Variants in CENPM observed in about 807,000 individuals in gnomAD.
The protein encoded by CENPM is interphase centromere complex protein 39.
CENPM carries 14 observed loss-of-function variants against 19.6 expected under a neutral mutation model. The observed-to-expected ratio is 0.71, with a 90% CI of 0.47 to 1.11. The LOEUF (loss-of-function observed/expected upper bound fraction) is 1.11, where lower values mean the gene tolerates loss of function less well. Among genes scored for constraint, CENPM ranks in the 50% most tolerant of loss-of-function variants. CENPM has a pLI of 0.00. For synonymous variants in CENPM, 114 were observed against 101.5 expected (o/e 1.12, Z -0.74); for missense variants, 239 against 228.4 (o/e 1.05, Z -0.30).
intron 4 of CENPM, chr22:41,944,140 C>G: frequency 1.0e-6 from 1 of 985,270 alleles, no homozygotes; most frequent in African/African-American, 1.7e-5. Context: ...TGACAGAAGC[C>G]TAGAGTAAAC....
chr22:41,935,703 C>G (rs527416089), downstream of CENPM, among the ~76,000 whole-genome samples: 1 of 152,300 alleles, frequency 6.6e-6, no homozygotes, highest in Admixed American at 6.5e-5. Flanking sequence ...CGCTAAGGGC[C>G]TCTGCCCTCG....
At chr22:41,931,037 T>C in the CENPM span, among the ~76,000 whole-genome samples, 1 of 151,594 alleles carries the variant, frequency 6.6e-6, no homozygotes, top group East Asian at 2.0e-4. Flanking sequence ...GGCTTCACCA[T>C]GTTGGCCAGG....
chr22:41,946,032 A>T, intron 2 of CENPM, 27 bp from the exon 3 acceptor site: 1 of 1,580,712 alleles, frequency 6.3e-7, no homozygotes. Context: ...TGCAGGACTC[A>T]AGATATCCGT....
At chr22:41,932,076 C>T in the CENPM span, among the ~76,000 whole-genome samples, 1 of 152,026 alleles carries the variant, frequency 6.6e-6, no homozygotes, top group Admixed American at 6.6e-5. The surrounding 1 kb of genome is among the most constrained non-coding windows in gnomAD (Gnocchi z 4.3). Context: ...TGTAGGTGTA[C>T]ACACAAACAG....
the CENPM span, among the ~76,000 whole-genome samples, chr22:41,933,329 T>C: frequency 1.3e-5 from 2 of 151,168 alleles, no homozygotes; most frequent in Non-Finnish European, 3.0e-5. Flanking sequence ...TGGGGTCCTC[T>C]TCCCGTGTGC....
intron 4 of CENPM, chr22:41,944,125 G>C: frequency 3.0e-6 from 3 of 985,386 alleles, no homozygotes; most frequent in Non-Finnish European, 3.6e-6. Context: ...AAGAGGAAAT[G>C]TATTTGACAG....
In CENPM at chr22:41,938,772, T is replaced by G; in HGVS notation, c.*284A>C. On this transcript the variant is annotated 3_prime_UTR_variant, in exon 6 of 6. Coordinates refer to ENST00000215980, the MANE Select transcript of CENPM (RefSeq NM_024053.5). ...ACTTTTTTTAGCCACAGACCTTTTG[T>G]TCAAAGGAAACCTTAAATGGAGATG... The G allele has an allele frequency of 2.6e-6, 1 of 381,104 alleles. No individual in the cohort carries two copies. The highest frequency in any genetic ancestry group is 4.7e-6 in the Non-Finnish European group (1 of 211,338). 23.6% of individuals were successfully genotyped at this position (381,104 alleles called of 1,614,324 possible).
At chr22:41,932,043 G>T in the CENPM span, among the ~76,000 whole-genome samples, 1 of 152,180 alleles carries the variant, frequency 6.6e-6, no homozygotes, top group Non-Finnish European at 1.5e-5. This position sits in a 1 kb window ranked among gnomAD's most constrained non-coding sequence, Gnocchi z 4.3. Context: ...TTCACTGCCT[G>T]GTTCTGTGCC....
downstream of CENPM, among the ~76,000 whole-genome samples, chr22:41,937,690 C>A (rs1250167549): frequency 6.6e-6 from 1 of 152,188 alleles, no homozygotes; most frequent in Non-Finnish European, 1.5e-5. Context: ...TCGTCTCATT[C>A]AATCCTCCCA....
Position 41,947,013 on chromosome 22 carries a change from C to T in CENPM, c.57+7G>A, listed in dbSNP as rs73432654. 4,945 of 1,612,684 alleles carry T rather than the reference C, an allele frequency of 3.1e-3. 149 individuals are homozygous for T. The African/African-American group carries it at 0.06, about 19-fold the overall frequency. On this transcript the variant is annotated splice_region_variant and intron_variant, in intron 1 of 5. Coordinates refer to ENST00000215980, the MANE Select transcript of CENPM (RefSeq NM_024053.5). ...CCGGCGGGGGAAGCAGGGCCGCCTG[C>T]ACCTACCAAGATGGTGGCCGTGTTC...
Position 41,943,668 on chromosome 22 carries a change from T to C in CENPM, c.344A>G (p.His115Arg). Residue 115 changes from histidine (H) to arginine (R), a missense_variant, in exon 5 of 6, where the codon CAC becomes CGC. Physicochemically the swap from His to Arg is conservative, Grantham distance 29. Transcript: ENST00000215980. Reference sequence around the variant, plus strand: ...GGTGTGGGCCAGCTTCACCACGGTGTGCCGGTGAATGCTGCAGTGGCTCTC... The same window carrying C: ...GGTGTGGGCCAGCTTCACCACGGTGCGCCGGTGAATGCTGCAGTGGCTCTC... The part of the protein sequence containing the change: ...GRESHCSIHR[H>R]TVVKLAHTYQ... 6.2e-7 allele frequency: 1 copy of C among 1,613,740 alleles called. No homozygotes were observed.
At chr22:41,937,546 C>T (rs898676398), downstream of CENPM, among the ~76,000 whole-genome samples, 9 of 152,232 alleles carry the variant, frequency 5.9e-5, no homozygotes, top group African/African-American at 1.9e-4. Flanking sequence ...CCGCCCGCCT[C>T]GGCTTTCCAT....
Position 41,945,955 on chromosome 22 carries a change from A to G in CENPM, c.188T>C (p.Ile63Thr). 1.9e-6 allele frequency: 3 copies of G among 1,613,978 alleles called. No homozygotes were observed. Among genetic ancestry groups the G allele is most frequent in the Non-Finnish European group, 2.5e-6 (3 of 1,179,964 alleles). ...ATTAACCACAAACACGATCAGGTCA[A>G]TTCGGGGCCGATTCACACTGGAGGG... Reference protein sequence around the residue: ...PLPSSVNRPRIDLIVFVVNLH... With the variant: ...PLPSSVNRPRTDLIVFVVNLH... The change falls in exon 3 of 6, where the codon ATT becomes ACT. Residue 63 changes from isoleucine to threonine, a missense_variant. Physicochemically the swap from Ile to Thr is moderately conservative, Grantham distance 89 (BLOSUM62 -1). Coordinates refer to ENST00000215980, the MANE Select transcript of CENPM (RefSeq NM_024053.5).
At chr22:41,943,493 G>C (rs537786215) in intron 5 of CENPM, 117 bp downstream of exon 5, 4 of 811,508 alleles carry the variant, frequency 4.9e-6, no homozygotes, top group Non-Finnish European at 3.8e-6. Flanking sequence ...CCCTTCAGGA[G>C]CTGCCTCGCT....
Position 41,946,485 on chromosome 22 carries a change from C to G in CENPM, c.69G>C (p.Thr23=). 1.2e-6 allele frequency: 2 copies of G among 1,613,222 alleles called. No homozygotes were observed. The highest frequency in any genetic ancestry group is 1.1e-5 in the South Asian group (1 of 91,052). ...LNTATILLVG[T]EDALLQQLAD... ...CCAGCTGCTGCAGAAGAGCATCCTC[C>G]GTGCCCACCAGCTGCGCAGGGAGAG... is the stretch of plus-strand genomic sequence containing the variant. The change falls in exon 2 of 6, where the codon ACG becomes ACC. Residue 23 remains threonine (T), a synonymous_variant. Coordinates refer to ENST00000215980, the MANE Select transcript of CENPM (RefSeq NM_024053.5).
intron 4 of CENPM, chr22:41,944,498 GCTCTACCA>G (rs2077777158): frequency 4.3e-6 from 1 of 231,006 alleles, no homozygotes; most frequent in Non-Finnish European, 7.1e-6. Context: ...GTAAACCTTG[GCTCTACCA>G]CTTTTCATCT....
the CENPM span, among the ~76,000 whole-genome samples, chr22:41,929,935 CTTTTTTTT>C: frequency 4.1e-5 from 4 of 97,674 alleles, no homozygotes; most frequent in Admixed American, 1.0e-4. Context: ...TTCCCCGTGG[CTTTTTTTT>C]TTTTTTTTTT....
At position 41,939,337 on chromosome 22, in the gene CENPM, GC is replaced by G. The variant is rs2077704574; in HGVS notation, c.403-142del. 6.1e-6 allele frequency: 6 copies of G among 987,004 alleles called. No homozygotes were observed. In the South Asian group the frequency reaches 1.1e-4, roughly 18 times the overall value. The allele number at this position is 987,004 out of a possible 1,614,324, so 61.1% of individuals were successfully genotyped here. A position where few individuals can be genotyped will look rare whatever the true frequency, so the allele number is the denominator to read the frequency against. On this transcript the variant is annotated intron_variant, in intron 5 of 5. Transcript: ENST00000215980. ...GGTCACCACTGCCCACCACAGCCAC[GC>G]CCTCATTCATGCCACACCTCAGAGT... is the stretch of plus-strand genomic sequence containing the variant.
Position 41,939,008 on chromosome 22 carries a change from G to A in CENPM, c.*48C>T. On this transcript the variant is annotated 3_prime_UTR_variant, in exon 6 of 6. Transcript: ENST00000215980. ...ACATCCTCAACAGAGAATGTTTATG[G>A]AGTCAGCACGAAGCCATGAGAAGGG... 6.2e-7 allele frequency: 1 copy of A among 1,603,242 alleles called. No individual in the cohort carries two copies. Among genetic ancestry groups the A allele is most frequent in the Non-Finnish European group, 8.5e-7 (1 of 1,174,522 alleles).
Sources: allele counts gnomAD v4.1 joint callset (sites outside exome capture counted in the v4.1 genomes callset), GRCh38; gene constraint gnomAD v4.1.1; non-coding constraint Gnocchi (gnomAD v3.1); transcripts MANE v1.5; gene names NCBI Gene and HGNC (gene_info 2026-07-23, HGNC 2026-07-21).